The following DPP6 variants were observed in gnomAD, a reference collection of about 807,000 sequenced individuals.
DPP6 encodes A-type potassium channel modulatory protein DPP6.
A neutral mutation model predicts 122.6 loss-of-function variants in DPP6; 69 were observed. That is an observed-to-expected ratio of 0.56 (90% CI 0.46 to 0.69). The LOEUF (loss-of-function observed/expected upper bound fraction) is 0.69, where lower values mean the gene tolerates loss of function less well. Among genes scored for constraint, DPP6 ranks in the 30% least tolerant of loss-of-function variants. The pLI, the probability that DPP6 is intolerant of heterozygous loss-of-function variation, is 0.00. For missense variants in DPP6, 928 were observed against 1,116.9 expected (o/e 0.83, Z 2.41); for synonymous variants, 418 against 433.1 (o/e 0.97, Z 0.43).
At chr7:154,850,330 A>G (rs1250220419) in intron 16 of DPP6, among the ~76,000 whole-genome samples, 2 of 151,886 alleles carry the variant, frequency 1.3e-5, no homozygotes, top group Non-Finnish European at 2.9e-5. Context: ...ACCATTGAAT[A>G]TGATTTGCCA....
Position 153,894,314 on chromosome 7 carries a change from C to G in DPP6, c.51+6580C>G, listed in dbSNP as rs147657954. Among the ~76,000 whole-genome samples the G allele has an allele frequency of 7.0e-4, 107 of 152,268 alleles. No individual in the cohort carries two copies. The East Asian group carries it at 0.017, about 24-fold the overall frequency. On this transcript the variant is annotated intron_variant, in intron 1 of 25. Transcript: ENST00000404039. ...GCAACATAGAAGAATTCCATGACCT[C>G]TTTTGGTTGTGGGAGCCAATTTTAT... is the stretch of plus-strand genomic sequence containing the variant.
intron 1 of DPP6, among the ~76,000 whole-genome samples, chr7:154,075,017 A>G (rs1803455764): frequency 6.6e-6 from 1 of 151,908 alleles, no homozygotes; most frequent in African/African-American, 2.4e-5. Flanking sequence ...AATTTTAAAA[A>G]GAAGGTATAC....
At chr7:154,410,663 G>A (rs944995875) in intron 1 of DPP6, among the ~76,000 whole-genome samples, 23 of 152,148 alleles carry the variant, frequency 1.5e-4, no homozygotes, top group Admixed American at 9.8e-4. Flanking sequence ...ATCTTTCATC[G>A]AAGGATGTTA....
intron 3 of DPP6, among the ~76,000 whole-genome samples, chr7:154,502,266 G>A (rs1475752501): frequency 1.3e-5 from 2 of 152,276 alleles, no homozygotes; most frequent in East Asian, 3.9e-4. Flanking sequence ...GCTGAAATGA[G>A]TTAAGACTTT....
intron 16 of DPP6, among the ~76,000 whole-genome samples, chr7:154,829,862 C>A (rs1323016971): frequency 6.6e-6 from 1 of 152,116 alleles, no homozygotes; most frequent in Admixed American, 6.5e-5. Flanking sequence ...AATCTAGGGC[C>A]CTCCACAATT....
At chr7:154,777,376 T>A (rs1322872234) in intron 10 of DPP6, among the ~76,000 whole-genome samples, 1 of 152,166 alleles carries the variant, frequency 6.6e-6, no homozygotes, top group Non-Finnish European at 1.5e-5. Context: ...TAAAGAGAAC[T>A]AAGAGCGGTG....
intron 1 of DPP6, among the ~76,000 whole-genome samples, chr7:153,927,953 AC>A (rs1230691012): frequency 2.6e-5 from 4 of 152,164 alleles, no homozygotes; most frequent in Non-Finnish European, 5.9e-5. Context: ...GCTTCTGAAG[AC>A]CATGGGTTCA....
chr7:154,463,443 G>A (rs1018778778), intron 2 of DPP6, among the ~76,000 whole-genome samples: 3 of 151,796 alleles, frequency 2.0e-5, no homozygotes, highest in East Asian at 1.9e-4. Flanking sequence ...TCCTGACCTC[G>A]TGATCCGCCC....
At chr7:153,752,275 G>A in the DPP6 span, among the ~76,000 whole-genome samples, 1 of 143,504 alleles carries the variant, frequency 7.0e-6, no homozygotes, top group East Asian at 2.1e-4. Flanking sequence ...TTTTGAGACC[G>A]AGTCTCGCTC....
At chr7:154,613,082 C>A (rs1267860566) in intron 5 of DPP6, among the ~76,000 whole-genome samples, 1 of 152,146 alleles carries the variant, frequency 6.6e-6, no homozygotes, top group African/African-American at 2.4e-5. Flanking sequence ...AATGAGGGCA[C>A]TAATCTCATT....
the DPP6 span, among the ~76,000 whole-genome samples, chr7:153,859,132 C>G: frequency 2.0e-5 from 3 of 152,130 alleles, no homozygotes; most frequent in African/African-American, 7.2e-5. Flanking sequence ...AAAACCTTCA[C>G]CTGTGCAATA....
chr7:153,926,616 G>A (rs1251586989), intron 1 of DPP6, among the ~76,000 whole-genome samples: 1 of 152,052 alleles, frequency 6.6e-6, no homozygotes, highest in Non-Finnish European at 1.5e-5. Context: ...TAAAAGGTTA[G>A]CTACACATTT....
At chr7:154,119,482 G>A (rs1208718512) in intron 1 of DPP6, among the ~76,000 whole-genome samples, 1 of 151,848 alleles carries the variant, frequency 6.6e-6, no homozygotes, top group Non-Finnish European at 1.5e-5. Flanking sequence ...CAACGTCTGT[G>A]TACCTTGTTC....
chr7:154,037,235 C>T (rs1343753718), intron 1 of DPP6, among the ~76,000 whole-genome samples: 1 of 152,124 alleles, frequency 6.6e-6, no homozygotes, highest in East Asian at 1.9e-4. Flanking sequence ...CCCTGCGAGG[C>T]ACATGGGAGA....
intron 4 of DPP6, among the ~76,000 whole-genome samples, chr7:154,555,016 T>C (rs1829913451): frequency 6.6e-6 from 1 of 152,048 alleles, no homozygotes; most frequent in Non-Finnish European, 1.5e-5. Flanking sequence ...ATGCTAAAGG[T>C]TGTTTACCAA....
chr7:154,713,622 G>T (rs1400659129), intron 7 of DPP6, among the ~76,000 whole-genome samples: 3 of 152,218 alleles, frequency 2.0e-5, no homozygotes, highest in Non-Finnish European at 4.4e-5. Context: ...GCTGTACGTT[G>T]GCCCCTTTTA....
chr7:154,818,529 T>C (rs563265818), intron 16 of DPP6, among the ~76,000 whole-genome samples: 3 of 152,364 alleles, frequency 2.0e-5, no homozygotes, highest in East Asian at 1.9e-4. Context: ...AAATAATACA[T>C]AGTTTGCGTC....
intron 1 of DPP6, among the ~76,000 whole-genome samples, chr7:154,437,174 C>T (rs1818945473): frequency 6.6e-6 from 1 of 152,194 alleles, no homozygotes; most frequent in Non-Finnish European, 1.5e-5. Flanking sequence ...TCATCAATTG[C>T]CTCTCTGCAG....
chr7:154,637,958 G>C, intron 6 of DPP6, 85 bp downstream of exon 6: 1 of 1,439,612 alleles, frequency 6.9e-7, no homozygotes, highest in South Asian at 1.3e-5. Flanking sequence ...TTAACCCTTA[G>C]GGCGGGAAAT....
Sources: allele counts gnomAD v4.1 joint callset (sites outside exome capture counted in the v4.1 genomes callset), GRCh38; gene constraint gnomAD v4.1.1; transcripts MANE v1.5; gene names NCBI Gene and HGNC (gene_info 2026-07-23, HGNC 2026-07-21).